The following KIF5A variants were observed in gnomAD, a reference collection of about 807,000 sequenced individuals.
KIF5A encodes the protein kinesin family member 5A, also known as kinesin heavy chain isoform 5A.
KIF5A carries 35 observed loss-of-function variants against 141.3 expected under a neutral mutation model. The ratio of observed to expected loss-of-function variants is 0.25; its 90% CI spans 0.19 to 0.33. The LOEUF is 0.33. Among genes scored for constraint, KIF5A ranks in the 10% least tolerant of loss-of-function variants. The pLI, the probability that KIF5A is intolerant of heterozygous loss-of-function variation, is 1.00. For synonymous variants in KIF5A, 448 were observed against 500.2 expected, an observed-to-expected ratio of 0.90 and a Z score of 1.39; for missense variants, 861 against 1,314.3, an observed-to-expected ratio of 0.66 and a Z score of 5.33.
chr12:57,559,354 C>T (rs923006494), intron 1 of KIF5A, among the ~76,000 whole-genome samples: 10 of 152,176 alleles, frequency 6.6e-5, no homozygotes, highest in African/African-American at 2.4e-4. Flanking sequence ...TATTTACTCA[C>T]ATTCTCACCA....
chr12:57,563,703 C>A lies in KIF5A; in HGVS notation c.291+10C>A. The stretch of plus-strand genomic sequence containing the variant: ...AACACATACCATGGAGGTGAGGGTT[C>A]TGGCTTTGGTGGTTGAGGGGCTAGG... On this transcript the variant is annotated intron_variant, in intron 3 of 28. Coordinates refer to ENST00000455537, the MANE Select transcript of KIF5A (RefSeq NM_004984.4). 6.2e-7 allele frequency: 1 copy of A among 1,612,706 alleles called. No individual in the cohort carries two copies. The highest frequency in any genetic ancestry group is 1.1e-5 in the South Asian group (1 of 91,042).
intron 1 of KIF5A, among the ~76,000 whole-genome samples, chr12:57,554,300 A>T (rs756242548): frequency 6.6e-6 from 1 of 152,200 alleles, no homozygotes; most frequent in Non-Finnish European, 1.5e-5. Flanking sequence ...GGTAATAATA[A>T]TAGTATCTAT....
At chr12:57,559,141 G>A (rs1051385250) in intron 1 of KIF5A, among the ~76,000 whole-genome samples, 1 of 152,178 alleles carries the variant, frequency 6.6e-6, no homozygotes, top group Non-Finnish European at 1.5e-5. Flanking sequence ...GACATTAAGG[G>A]TTGTTCTAAT....
rs1198903062 is a variant in KIF5A at position 57,581,124 on chromosome 12, G to A, written c.2707G>A (p.Ala903Thr). The change falls in exon 24 of 29, where the codon GCC becomes ACC. Residue 903 changes from alanine (A) to threonine (T), a missense_variant. Transcript: ENST00000455537. ...GCAGGAGGTGGACCGCATCAAGGAG[G>A]CCGTTCGCTACAAGAGCTCGGGCAA... ...YQQEVDRIKEAVRYKSSGKRG... is the reference protein window; with the variant it reads ...YQQEVDRIKETVRYKSSGKRG... The A allele has an allele frequency of 6.2e-7, 1 of 1,614,010 alleles. No homozygotes were observed. The highest frequency in any genetic ancestry group is 8.5e-7 in the Non-Finnish European group (1 of 1,180,018).
At position 57,572,437 on chromosome 12, in the gene KIF5A, C is replaced by G. The variant is rs1882285360; in HGVS notation, c.1570-143C>G. 1 of 1,307,380 alleles carries G rather than the reference C, an allele frequency of 7.6e-7. No individual in the cohort carries two copies. Among genetic ancestry groups the G allele is most frequent in the Non-Finnish European group, 1.1e-6 (1 of 928,076 alleles). The allele number at this position is 1,307,380 out of a possible 1,614,324, so 81.0% of individuals were successfully genotyped here. ...TCACTGCACTTTCCCCTCACAGTCC[C>G]TCTGTCTTTCAGACTCTTCTGCAGG... On this transcript the variant is annotated intron_variant, in intron 14 of 28. Transcript: ENST00000455537. The surrounding 1 kb of genome is among the most constrained non-coding windows in gnomAD (Gnocchi z 4.2).
rs2140161454 is a variant in KIF5A at position 57,567,379 on chromosome 12, G to A, written c.590-115G>A. On this transcript the variant is annotated intron_variant, in intron 7 of 28. Coordinates refer to ENST00000455537, the MANE Select transcript of KIF5A (RefSeq NM_004984.4). ...CCTGGGAGATGTGGCAGCAGGGCTA[G>A]TCCTGGTGGGCACCTTCTCTCTGGG... 2.2e-6 allele frequency: 3 copies of A among 1,382,364 alleles called. No homozygotes were observed. The East Asian group carries it at 7.1e-5, about 33-fold the overall frequency. 85.6% of individuals were successfully genotyped at this position (1,382,364 alleles called of 1,614,324 possible). A position where few individuals can be genotyped will look rare whatever the true frequency, so the allele number is the denominator to read the frequency against.
At chr12:57,564,021 T>C (rs1233740804) in intron 3 of KIF5A, 87 bp from the exon 4 acceptor site, 3 of 935,672 alleles carry the variant, frequency 3.2e-6, no homozygotes, top group South Asian at 2.6e-5. Flanking sequence ...TCTTATTGAC[T>C]CTTGCCTTGG....
chr12:57,582,921 C>G (rs1882650784), intron 27 of KIF5A, 180 bp from the exon 28 acceptor site: 7 of 676,340 alleles, frequency 1.0e-5, no homozygotes, highest in Non-Finnish European at 1.3e-5. Flanking sequence ...CTTTGGAAGC[C>G]TTGTGACATT....
At position 57,567,142 on chromosome 12, in the gene KIF5A, T is replaced by G; in HGVS notation, c.518T>G (p.Phe173Cys). 1 of 1,612,540 alleles carries G rather than the reference T, an allele frequency of 6.2e-7. No homozygotes were observed. Among genetic ancestry groups the G allele is most frequent in the Non-Finnish European group, 8.5e-7 (1 of 1,178,998 alleles). The change falls in exon 7 of 29, where the codon TTT (phenylalanine) becomes TGT (cysteine). Residue 173 changes from phenylalanine (F) to cysteine (C), a missense_variant. Coordinates refer to ENST00000455537, the MANE Select transcript of KIF5A (RefSeq NM_004984.4). ...CCCCCACAGGGTTGTACTGAACGCT[T>G]TGTGTCCAGCCCGGAGGAGATTCTG... ...VPFVKGCTERFVSSPEEILDV... is the reference protein window; with the variant it reads ...VPFVKGCTERCVSSPEEILDV...
At position 57,578,039 on chromosome 12, in the gene KIF5A, C is replaced by T. The variant is rs372633156; in HGVS notation, c.2392C>T (p.Arg798Cys). ...GGAACTCCAGACCCTCCACAACCTT[C>T]GCAAGCTGTTCGTTCAAGACGTCAC... ...ARELQTLHNLRKLFVQDVTTR... is the reference protein window; with the variant it reads ...ARELQTLHNLCKLFVQDVTTR... Residue 798 changes from arginine (R) to cysteine (C), a missense_variant, in exon 22 of 29, where the codon CGC becomes TGC. Physicochemically the swap from Arg to Cys is radical, Grantham distance 180. Coordinates refer to ENST00000455537, the MANE Select transcript of KIF5A (RefSeq NM_004984.4). 2 of 1,614,108 alleles carry T rather than the reference C, an allele frequency of 1.2e-6. No homozygotes were observed. The highest frequency in any genetic ancestry group is 1.7e-5 in the Admixed American group (1 of 60,004).
chr12:57,577,606 TAAC>T lies in KIF5A; in HGVS notation c.2301-104_2301-102del, dbSNP rs1882467039. On this transcript the variant is annotated intron_variant, in intron 20 of 28. Coordinates refer to ENST00000455537, the MANE Select transcript of KIF5A (RefSeq NM_004984.4). ...CAGAATGAGACCCTGTTTCACAAAA[TAAC>T]AATAATAGTAATACTTAAATGGAGA... 44 of 886,568 alleles carry T rather than the reference TAAC, an allele frequency of 5.0e-5. No individual in the cohort carries two copies. The East Asian group carries it at 1.2e-3, about 23-fold the overall frequency. The allele number at this position is 886,568 out of a possible 1,614,324, so 54.9% of individuals were successfully genotyped here. A position where few individuals can be genotyped will look rare whatever the true frequency, so the allele number is the denominator to read the frequency against.
At chr12:57,566,970 G>T (rs1450167315) in intron 6 of KIF5A, among the ~76,000 whole-genome samples, 156 bp from the exon 7 acceptor site, 1 of 152,060 alleles carries the variant, frequency 6.6e-6, no homozygotes, top group African/African-American at 2.4e-5. Context: ...AACCTGGGAG[G>T]TGGAGGTTGC....
intron 6 of KIF5A, among the ~76,000 whole-genome samples, chr12:57,565,361 C>T (rs1227712542): frequency 6.6e-6 from 1 of 151,882 alleles, no homozygotes; most frequent in Non-Finnish European, 1.5e-5. Context: ...GCAGAGGTTG[C>T]GGTGAGCCGA....
chr12:57,555,448 G>A (rs981266466), intron 1 of KIF5A, among the ~76,000 whole-genome samples: 4 of 152,122 alleles, frequency 2.6e-5, no homozygotes, highest in Non-Finnish European at 5.9e-5. Context: ...AAACTTAGCC[G>A]AGCATGGTGG....
In KIF5A at chr12:57,564,448, C is replaced by T. The variant is rs1412226780; in HGVS notation, c.397-12C>T. ...CCTCTTTACTTCACACTCCTTCTTTCTTCTTAACCAGGTTTCTTACTTTGA... is the reference window on the plus strand; with the variant it reads ...CCTCTTTACTTCACACTCCTTCTTTTTTCTTAACCAGGTTTCTTACTTTGA... On this transcript the variant is annotated splice_polypyrimidine_tract_variant and intron_variant, in intron 4 of 28. Transcript: ENST00000455537. 6.2e-7 allele frequency: 1 copy of T among 1,604,916 alleles called. No homozygotes were observed.
chr12:57,574,608 G>A (rs1241579717), intron 15 of KIF5A, among the ~76,000 whole-genome samples: 1 of 139,810 alleles, frequency 7.2e-6, no homozygotes, highest in Non-Finnish European at 1.5e-5. Flanking sequence ...TTGAGATGGA[G>A]TCTCACTCTG....
intron 5 of KIF5A, 112 bp from the exon 6 acceptor site, chr12:57,564,806 G>A (rs1000585229): frequency 6.8e-6 from 7 of 1,036,620 alleles, no homozygotes; most frequent in Admixed American, 1.9e-5. Context: ...GGCTTCACAG[G>A]GAGAGTCTTC....
At chr12:57,569,793 G>A (rs2140163429) in intron 11 of KIF5A, 110 bp downstream of exon 11, 1 of 1,521,564 alleles carries the variant, frequency 6.6e-7, no homozygotes. Context: ...CTAGAAGAGG[G>A]GCTGTGTTTC....
chr12:57,576,936 A>G, intron 20 of KIF5A, 74 bp downstream of exon 20: 1 of 1,098,312 alleles, frequency 9.1e-7, no homozygotes, highest in Non-Finnish European at 1.4e-6. Context: ...ACGCTTGCAG[A>G]GGCAGGACAC....
Sources: allele counts gnomAD v4.1 joint callset (sites outside exome capture counted in the v4.1 genomes callset), GRCh38; gene constraint gnomAD v4.1.1; non-coding constraint Gnocchi (gnomAD v3.1); transcripts MANE v1.5; gene names NCBI Gene and HGNC (gene_info 2026-07-23, HGNC 2026-07-21).